Variants in FMN2 observed in about 807,000 individuals in gnomAD.
FMN2 encodes formin 2.
In FMN2, 51 loss-of-function variants were observed where a neutral mutation model predicts 142.3. The ratio of observed to expected loss-of-function variants is 0.36; its 90% CI spans 0.29 to 0.45. The LOEUF is 0.45. Ranked by LOEUF, FMN2 falls within the 20% of genes least tolerant of loss-of-function variation. The probability of loss-of-function intolerance (pLI) is 1.00; values close to 1 mark genes in which losing one functional copy is unlikely to be tolerated. For missense variants in FMN2, 1,936 were observed against 2,122.8 expected (o/e 0.91, Z 1.73); for synonymous variants, 882 against 869.8 (o/e 1.01, Z -0.25).
chr1:240,358,217 G>C (rs1243131237), intron 14 of FMN2, among the ~76,000 whole-genome samples: 1 of 152,142 alleles, frequency 6.6e-6, no homozygotes, highest in African/African-American at 2.4e-5. Context: ...ACTTACAGCA[G>C]TGAATAAGAA....
intron 11 of FMN2, among the ~76,000 whole-genome samples, chr1:240,333,131 A>G (rs896900692): frequency 2.0e-5 from 3 of 152,158 alleles, no homozygotes; most frequent in Non-Finnish European, 4.4e-5. Flanking sequence ...TCAAATTCAG[A>G]TTATCTACTA....
intron 13 of FMN2, among the ~76,000 whole-genome samples, chr1:240,352,238 C>T (rs1672120550): frequency 6.6e-6 from 1 of 152,152 alleles, no homozygotes; most frequent in South Asian, 2.1e-4. Context: ...TGGCAGTCTT[C>T]AGCACCTAGA....
At chr1:240,437,952 G>A (rs1675458628) in intron 15 of FMN2, 109 bp from the exon 16 acceptor site, 4 of 1,353,492 alleles carry the variant, frequency 3.0e-6, no homozygotes, top group Non-Finnish European at 4.0e-6. Flanking sequence ...GAGTCCTCTT[G>A]GTAATAATAA....
chr1:240,137,064 C>A (rs1192404522), intron 2 of FMN2, among the ~76,000 whole-genome samples: 13 of 118,400 alleles, frequency 1.1e-4, no homozygotes, highest in Admixed American at 5.2e-4. Flanking sequence ...AGTGAAACTC[C>A]GTCTCAAAAA....
In FMN2 at chr1:240,144,338, T is replaced by G; in HGVS notation, c.1782+20993T>G. The G allele has an allele frequency of 2.5e-6, 4 of 1,606,202 alleles. No individual in the cohort carries two copies. The South Asian group carries it at 3.3e-5, about 13-fold the overall frequency. ...GTTCTCTAGGTGGGTTTTGTAGATG[T>G]CATCAGGCACCTTGGGCTCCATGAT... On this transcript the variant is annotated intron_variant, in intron 2 of 17. Transcript: ENST00000319653.
intron 2 of FMN2, among the ~76,000 whole-genome samples, chr1:240,173,956 G>A (rs1344230867): frequency 2.0e-5 from 3 of 152,144 alleles, no homozygotes; most frequent in African/African-American, 7.2e-5. Flanking sequence ...AAAAAACTAT[G>A]TCTGAGGCTG....
At chr1:240,287,141 C>T (rs985926977) in intron 7 of FMN2, among the ~76,000 whole-genome samples, 1 of 152,182 alleles carries the variant, frequency 6.6e-6, no homozygotes, top group African/African-American at 2.4e-5. Flanking sequence ...TAACTGCTTA[C>T]ATGTCCTCGT....
chr1:240,410,280 A>G (rs1422757982), intron 15 of FMN2, among the ~76,000 whole-genome samples: 2 of 152,242 alleles, frequency 1.3e-5, no homozygotes, highest in Non-Finnish European at 2.9e-5. Flanking sequence ...TATATATTCA[A>G]GTCCCAGATC....
chr1:240,181,397 C>T (rs1665145700), intron 3 of FMN2, among the ~76,000 whole-genome samples: 1 of 152,182 alleles, frequency 6.6e-6, no homozygotes. Context: ...ATGTATCTCA[C>T]TTTAACTGCA....
intron 15 of FMN2, among the ~76,000 whole-genome samples, chr1:240,436,662 G>T (rs1341822226): frequency 8.0e-6 from 1 of 125,636 alleles, no homozygotes; most frequent in African/African-American, 3.2e-5. Context: ...GGGTGACAGT[G>T]TGAGACTCCG....
chr1:240,307,876 C>G (rs6675065), intron 8 of FMN2, among the ~76,000 whole-genome samples: 34,512 of 152,036 alleles, frequency 0.23, 7,022 homozygotes, highest in African/African-American at 0.55. Context: ...GCATGGAATG[C>G]TTTTCCATTT....
intron 13 of FMN2, among the ~76,000 whole-genome samples, chr1:240,340,445 G>T (rs1041894371): frequency 6.6e-6 from 1 of 152,128 alleles, no homozygotes; most frequent in African/African-American, 2.4e-5. Flanking sequence ...ACCGGGCATG[G>T]TGGTGGGCGC....
At chr1:240,317,783 T>C (rs2102995975) in intron 8 of FMN2, among the ~76,000 whole-genome samples, 1 of 152,352 alleles carries the variant, frequency 6.6e-6, no homozygotes, top group African/African-American at 2.4e-5. Context: ...GCAATTGTTG[T>C]GTTACAAGTT....
In FMN2 at chr1:240,123,160, G is replaced by A; in HGVS notation, c.1616-19G>A. The stretch of plus-strand genomic sequence containing the variant: ...GTGATCGGCAGTGCTCGCTCTTAAT[G>A]ACTGTGTTTCATCTGCAGGGCGAAC... On this transcript the variant is annotated intron_variant, in intron 1 of 17. Coordinates refer to ENST00000319653, the MANE Select transcript of FMN2 (RefSeq NM_020066.5). 1 of 1,613,788 alleles carries A rather than the reference G, an allele frequency of 6.2e-7. No homozygotes were observed. Among genetic ancestry groups the A allele is most frequent in the South Asian group, 1.1e-5 (1 of 91,044 alleles).
chr1:240,358,659 C>T (rs1470305135), intron 14 of FMN2, among the ~76,000 whole-genome samples: 2 of 152,026 alleles, frequency 1.3e-5, no homozygotes, highest in African/African-American at 2.4e-5. Flanking sequence ...GGGGAAGAGC[C>T]CCTTATGAAA....
chr1:240,388,047 G>A (rs988669376), intron 14 of FMN2, among the ~76,000 whole-genome samples: 6 of 150,998 alleles, frequency 4.0e-5, no homozygotes, highest in African/African-American at 1.5e-4. Context: ...GCGTGGTGGC[G>A]GGTGCCTGTA....
chr1:240,143,508 C>T, intron 2 of FMN2: 1 of 1,578,466 alleles, frequency 6.3e-7, no homozygotes, highest in Admixed American at 1.7e-5. Context: ...TGTCTTCCTC[C>T]TTCTCTTTGG....
intron 15 of FMN2, among the ~76,000 whole-genome samples, chr1:240,414,697 A>G (rs550154626): frequency 2.6e-5 from 4 of 152,178 alleles, no homozygotes; most frequent in Non-Finnish European, 4.4e-5. Context: ...GGAGATATTC[A>G]CACTGGTATT....
At chr1:240,395,108 G>A (rs78358265) in intron 15 of FMN2, among the ~76,000 whole-genome samples, 2,492 of 152,232 alleles carry the variant, frequency 0.016, 57 homozygotes, top group African/African-American at 0.057. Context: ...AGGGCCCATA[G>A]GAATTATGCC....
Sources: allele counts gnomAD v4.1 joint callset (sites outside exome capture counted in the v4.1 genomes callset), GRCh38; gene constraint gnomAD v4.1.1; transcripts MANE v1.5; gene names NCBI Gene and HGNC (gene_info 2026-07-23, HGNC 2026-07-21).